Variants in LBHD1 observed in about 807,000 individuals in gnomAD.
The protein encoded by LBHD1 is LBH domain-containing protein 1.
LBHD1 carries 28 observed loss-of-function variants against 31.1 expected under a neutral mutation model. The observed-to-expected ratio is 0.90, with a 90% CI of 0.67 to 1.24. LBHD1 has a LOEUF of 1.24. Among genes scored for constraint, LBHD1 ranks in the 50% most tolerant of loss-of-function variants. LBHD1 has a pLI of 0.00. For missense variants in LBHD1, 350 were observed against 323.0 expected, an observed-to-expected ratio of 1.08 and a Z score of -0.64; for synonymous variants, 105 against 116.5, an observed-to-expected ratio of 0.90 and a Z score of 0.63.
In LBHD1 at chr11:62,663,092, G is replaced by A. The variant is rs1334545997; in HGVS notation, c.*37C>T. The A allele has an allele frequency of 3.7e-6, 6 of 1,612,762 alleles. No homozygotes were observed. Among genetic ancestry groups the A allele is most frequent in the African/African-American group, 2.7e-5 (2 of 74,884 alleles). ...GGTCCTTCATTTCTACATCCTGGGG[G>A]GCTTTTGTCTTCTTTTGCCTTTTGA... On this transcript the variant is annotated 3_prime_UTR_variant, in exon 7 of 7. Coordinates refer to ENST00000354588, the MANE Select transcript of LBHD1 (RefSeq NM_024099.5).
Position 62,671,666 on chromosome 11 carries a change from A to C in LBHD1, c.-113T>G. ...GCTATAGGGCGCTCTAGCCTGCGCC[A>C]AGGGGTAGTGAGACCGCGCGGCAAC... On this transcript the variant is annotated 5_prime_UTR_variant, in exon 1 of 7. Coordinates refer to ENST00000354588, the MANE Select transcript of LBHD1 (RefSeq NM_024099.5). The C allele has an allele frequency of 1.3e-5, 21 of 1,558,786 alleles. No individual in the cohort carries two copies. Among genetic ancestry groups the C allele is most frequent in the East Asian group, 2.3e-5 (1 of 42,748 alleles).
rs199794771 is a variant in LBHD1 at position 62,671,975 on chromosome 11, G to A, written c.-422C>T. The stretch of plus-strand genomic sequence containing the variant: ...CAGGAGATGCCACTGCAGGACCCAA[G>A]GAGCAGGGAGGAGGCGGCCAGGACC... On this transcript the variant is annotated 5_prime_UTR_variant, in exon 1 of 7. Coordinates refer to ENST00000354588, the MANE Select transcript of LBHD1 (RefSeq NM_024099.5). 177 of 1,614,020 alleles carry A rather than the reference G, an allele frequency of 1.1e-4. No individual in the cohort carries two copies. Among genetic ancestry groups the A allele is most frequent in the Admixed American group, 9.0e-4 (54 of 60,014 alleles).
chr11:62,667,392 A>G (rs1439587947), intron 4 of LBHD1, 131 bp downstream of exon 4: 2 of 914,624 alleles, frequency 2.2e-6, no homozygotes, highest in Admixed American at 4.4e-5. Flanking sequence ...GCGCTGACTG[A>G]CTTGTATAAT....
rs1944856626 is a variant in LBHD1, at chr11:62,667,682, C to T, written c.379G>A (p.Gly127Arg). The change falls in exon 4 of 7, where the codon GGG (glycine) becomes AGG (arginine). Residue 127 changes from glycine (G) to arginine (R), a missense_variant. By Grantham distance (125) the Gly-to-Arg change is moderately radical. Coordinates refer to ENST00000354588, the MANE Select transcript of LBHD1 (RefSeq NM_024099.5). ...GCATCTTCTTCATCCTGGTCCTGCC[C>T]CCAGCTGAGTCCAGCGTTAAATGTT... ...LRTFNAGLSW[G>R]QDQDEEDACW... The T allele has an allele frequency of 6.2e-7, 1 of 1,614,036 alleles. No individual in the cohort carries two copies.
rs1944854711 is a variant in LBHD1, at chr11:62,667,588, C to T, written c.473G>A (p.Gly158Asp). The change falls in exon 4 of 7, where the codon GGC (glycine) becomes GAC (aspartate). Residue 158 changes from glycine (G) to aspartate (D), a missense_variant. Transcript: ENST00000354588. ...TNHCPFWDST[G>D]SRVCRSGFVE... is the part of the protein sequence containing the mutation. ...AAAGCCACTTCTACAAACACGGGAG[C>T]CTGTTGAGTCCCAGAAGGGACAGTG... 7.4e-6 allele frequency: 12 copies of T among 1,614,088 alleles called. No homozygotes were observed. The highest frequency in any genetic ancestry group is 1.0e-5 in the Non-Finnish European group (12 of 1,180,034).
rs930646229 is a variant in LBHD1 at position 62,666,127 on chromosome 11, C to G, written c.539-1154G>C. 7 of 804,570 alleles carry G rather than the reference C, an allele frequency of 8.7e-6. 1 individual carries two copies. The highest frequency in any genetic ancestry group is 5.2e-5 in the African/African-American group (3 of 57,626). The allele number at this position is 804,570 out of a possible 1,614,324, so 49.8% of individuals were successfully genotyped here. On this transcript the variant is annotated intron_variant, in intron 4 of 6. Coordinates refer to ENST00000354588, the MANE Select transcript of LBHD1 (RefSeq NM_024099.5). ...CTTTGCCAGGCCGAGGCGGGCAGAT[C>G]GCTTGGCCCAGGAGTTCGAGACCAA...
chr11:62,666,246 G>C, intron 4 of LBHD1: 1 of 830,422 alleles, frequency 1.2e-6, no homozygotes, highest in Non-Finnish European at 2.0e-6. Context: ...TGAGGTGGAG[G>C]CTTCAGTGAG....
chr11:62,671,672 T>C lies in LBHD1; in HGVS notation c.-119A>G. Reference sequence around the variant, plus strand: ...GGGCGCTCTAGCCTGCGCCAAGGGGTAGTGAGACCGCGCGGCAACAGCTTG... The same window carrying C: ...GGGCGCTCTAGCCTGCGCCAAGGGGCAGTGAGACCGCGCGGCAACAGCTTG... On this transcript the variant is annotated 5_prime_UTR_variant, in exon 1 of 7. Transcript: ENST00000354588. The C allele has an allele frequency of 6.4e-7, 1 of 1,572,436 alleles. No individual in the cohort carries two copies.
Position 62,662,992 on chromosome 11 carries a change from G to T in LBHD1, c.*137C>A. The T allele has an allele frequency of 7.3e-7, 1 of 1,372,616 alleles. No individual in the cohort carries two copies. Among genetic ancestry groups the T allele is most frequent in the Non-Finnish European group, 1.0e-6 (1 of 988,228 alleles). The allele number at this position is 1,372,616 out of a possible 1,614,324, so 85.0% of individuals were successfully genotyped here. ...GGCCTTGCTTTTGTCAAAGTCCTCT[G>T]AAACAACCACTGAGTCTGAAGGCTG... On this transcript the variant is annotated 3_prime_UTR_variant, in exon 7 of 7. Transcript: ENST00000354588.
At chr11:62,666,513 G>A (rs778818724) in intron 4 of LBHD1, 1 of 1,614,086 alleles carries the variant, frequency 6.2e-7, no homozygotes. Flanking sequence ...GAAGTCCAGG[G>A]GCTCCTACTG....
In LBHD1 at chr11:62,671,725, C is replaced by T. The variant is rs1944948706; in HGVS notation, c.-172G>A. 1 of 1,611,682 alleles carries T rather than the reference C, an allele frequency of 6.2e-7. No individual in the cohort carries two copies. The highest frequency in any genetic ancestry group is 8.5e-7 in the Non-Finnish European group (1 of 1,179,048). ...GCTGCGGGGAGCTCCCGTGGGCGCTCCGCTGGCTGTGCAGGCGGCCATGGA... is the reference window on the plus strand; with the variant it reads ...GCTGCGGGGAGCTCCCGTGGGCGCTTCGCTGGCTGTGCAGGCGGCCATGGA... On this transcript the variant is annotated 5_prime_UTR_variant, in exon 1 of 7. Coordinates refer to ENST00000354588, the MANE Select transcript of LBHD1 (RefSeq NM_024099.5).
chr11:62,672,174 CTT>C lies in LBHD1; in HGVS notation c.-623_-622del. On this transcript the variant is annotated 5_prime_UTR_variant, in exon 1 of 7. An upstream open reading frame in the 5' UTR loses its in-frame stop. Coordinates refer to ENST00000354588, the MANE Select transcript of LBHD1 (RefSeq NM_024099.5). ...CTTGGGCGCAGGAATCCGAGGCAGCCTTTCTCCTTCGTGGGCCCAGCGGAGAG... is the reference window on the plus strand; with the variant it reads ...CTTGGGCGCAGGAATCCGAGGCAGCCTCTCCTTCGTGGGCCCAGCGGAGAG... 1 of 1,499,212 alleles carries C rather than the reference CTT, an allele frequency of 6.7e-7. No individual in the cohort carries two copies. The highest frequency in any genetic ancestry group is 9.0e-7 in the Non-Finnish European group (1 of 1,116,136). 92.9% of individuals were successfully genotyped at this position (1,499,212 alleles called of 1,614,324 possible).
chr11:62,668,783 G>A (rs1281449526), intron 3 of LBHD1, among the ~76,000 whole-genome samples: 4 of 149,014 alleles, frequency 2.7e-5, no homozygotes, highest in African/African-American at 9.9e-5. Flanking sequence ...CAGCCTGGGG[G>A]ACAGAGCAAG....
chr11:62,671,495 G>T (rs1357257099), intron 1 of LBHD1, 69 bp downstream of exon 1: 1 of 1,375,256 alleles, frequency 7.3e-7, no homozygotes, highest in East Asian at 2.9e-5. Context: ...CGGAATTGAG[G>T]ACACAGGGTC....
At chr11:62,666,027 G>C in intron 4 of LBHD1, 1 of 1,443,988 alleles carries the variant, frequency 6.9e-7, no homozygotes, top group Non-Finnish European at 9.5e-7. Flanking sequence ...TGAGTCAGGA[G>C]TGTAGTCCCT....
intron 4 of LBHD1, chr11:62,665,310 G>C (rs1036177363): frequency 2.8e-6 from 2 of 715,338 alleles, no homozygotes; most frequent in Non-Finnish European, 4.7e-6. Context: ...GGTGCGGGAG[G>C]CCTTTCGGAG....
intron 3 of LBHD1, chr11:62,667,994 G>C (rs1944864395): frequency 2.5e-6 from 1 of 404,868 alleles, no homozygotes; most frequent in Non-Finnish European, 4.5e-6. Context: ...CTTGAACCCT[G>C]GGAGGTCAAA....
rs779357864 is a variant in LBHD1 at position 62,663,166 on chromosome 11, A to G, written c.762-7T>C. ...GGCTTTGAAGGGGCTTCCACTGAGT[A>G]AAGGGAAGAAGGAAGTATTATCCCA... On this transcript the variant is annotated splice_polypyrimidine_tract_variant and splice_region_variant and intron_variant, in intron 6 of 6. Transcript: ENST00000354588. 4.6e-5 allele frequency: 74 copies of G among 1,613,734 alleles called. No individual in the cohort carries two copies. The highest frequency in any genetic ancestry group is 6.0e-5 in the Non-Finnish European group (71 of 1,179,928).
At chr11:62,666,647 G>C (rs759348507) in intron 4 of LBHD1, 18 of 1,614,160 alleles carry the variant, frequency 1.1e-5, no homozygotes, top group Non-Finnish European at 1.4e-5. Context: ...GCTGGGGGTG[G>C]ACTTTTCTCC....
Sources: gnomAD v4.1 joint callset for allele counts (sites outside exome capture counted in the v4.1 genomes callset) on GRCh38, gnomAD v4.1.1 for gene constraint, MANE v1.5 for transcripts, NCBI Gene and HGNC (gene_info 2026-07-23, HGNC 2026-07-21) for gene names.